The following OPCML variants were observed in gnomAD, a reference collection of about 807,000 sequenced individuals.
OPCML encodes the protein opioid-binding protein/cell adhesion molecule.
Under a neutral mutation model 37.8 loss-of-function variants are expected in OPCML, and 13 were observed. The ratio of observed to expected loss-of-function variants is 0.34; its 90% confidence interval spans 0.22 to 0.55. OPCML has a LOEUF of 0.55. OPCML is among the 20% of genes least tolerant of loss of function. The pLI, the probability that OPCML is intolerant of heterozygous loss-of-function variation, is 0.91. For missense variants in OPCML, 341 were observed against 435.6 expected (o/e 0.78, Z 1.93); for synonymous variants, 176 against 168.8 (o/e 1.04, Z -0.33).
intron 1 of OPCML, among the ~76,000 whole-genome samples, chr11:133,150,180 C>G (rs1949957766): frequency 6.6e-6 from 1 of 152,236 alleles, no homozygotes; most frequent in Admixed American, 6.5e-5. Flanking sequence ...GGAATCACAG[C>G]CTCCAGATAT....
Position 133,385,689 on chromosome 11 carries a change from T to C in OPCML, c.61+146575A>G, listed in dbSNP as rs80216852. ...TCGATGATTAGGCCCTGGTAATGAA[T>C]GTCTGCGGTGGTCCCCATGGTCCTG... On this transcript the variant is annotated intron_variant, in intron 1 of 7. Transcript: ENST00000524381. Among the ~76,000 whole-genome samples, 729 of 152,260 alleles carry C rather than the reference T, an allele frequency of 4.8e-3. 6 individuals are homozygous for C. Among genetic ancestry groups the C allele is most frequent in the African/African-American group, 0.016 (682 of 41,542 alleles).
chr11:132,950,599 GCTA>G (rs1434021674), intron 1 of OPCML, among the ~76,000 whole-genome samples: 1 of 152,188 alleles, frequency 6.6e-6, no homozygotes, highest in African/African-American at 2.4e-5. Context: ...TGAGGGTGAT[GCTA>G]CTGTCTCATT....
intron 1 of OPCML, chr11:133,361,779 G>A (rs1944428739): frequency 6.5e-6 from 1 of 153,520 alleles, no homozygotes; most frequent in Admixed American, 6.5e-5. Flanking sequence ...GTCGCTCACA[G>A]GTGCACTTTG....
At chr11:133,328,260 C>T (rs1180822848) in intron 1 of OPCML, among the ~76,000 whole-genome samples, 2 of 151,102 alleles carry the variant, frequency 1.3e-5, no homozygotes, top group East Asian at 1.9e-4. Flanking sequence ...CAAGGTCAAG[C>T]GATTCTCCTG....
At chr11:133,333,222 T>C (rs1943664063) in intron 1 of OPCML, among the ~76,000 whole-genome samples, 1 of 152,074 alleles carries the variant, frequency 6.6e-6, no homozygotes, top group African/African-American at 2.4e-5. Flanking sequence ...CCATGCCCAG[T>C]ACATTTTTGT....
Position 132,984,527 on chromosome 11 carries a change from G to A in OPCML, c.62-41517C>T, listed in dbSNP as rs184959634. Among the ~76,000 whole-genome samples the A allele has an allele frequency of 2.8e-3, 431 of 151,986 alleles. 8 individuals are homozygous for A. The highest frequency in any genetic ancestry group is 1.2e-3 in the South Asian group (6 of 4,808). On this transcript the variant is annotated intron_variant, in intron 1 of 7. Transcript: ENST00000524381. ...TTGTTAATCATTATTTTCCCTTTTCGTAAGTATAAAAGGAAAACAGGGCTT... is the reference window on the plus strand; with the variant it reads ...TTGTTAATCATTATTTTCCCTTTTCATAAGTATAAAAGGAAAACAGGGCTT...
chr11:132,527,935 A>G (rs1433614544), intron 4 of OPCML, among the ~76,000 whole-genome samples: 1 of 145,622 alleles, frequency 6.9e-6, no homozygotes. Context: ...AGGGTAATAT[A>G]TTTACAAGTC....
chr11:132,607,323 T>TG (rs1938364712), intron 3 of OPCML, among the ~76,000 whole-genome samples: 1 of 152,134 alleles, frequency 6.6e-6, no homozygotes. Context: ...TGAGGTTGGG[T>TG]GGGGTCTCTA....
At chr11:132,508,295 C>T (rs753191337) in intron 4 of OPCML, among the ~76,000 whole-genome samples, 1 of 152,128 alleles carries the variant, frequency 6.6e-6, no homozygotes, top group Non-Finnish European at 1.5e-5. Flanking sequence ...ATGAACAAAA[C>T]AGATGGAAAA....
At chr11:133,041,254 C>T (rs141234650) in intron 1 of OPCML, among the ~76,000 whole-genome samples, 142 of 152,302 alleles carry the variant, frequency 9.3e-4, no homozygotes, top group African/African-American at 2.9e-3. Flanking sequence ...AATTAGATAA[C>T]GCTTGTAAAG....
intron 2 of OPCML, among the ~76,000 whole-genome samples, chr11:132,940,963 C>T (rs1435998662): frequency 6.6e-6 from 1 of 151,866 alleles, no homozygotes. Context: ...TTTCCCTATT[C>T]TGGGGTAAAT....
At chr11:132,910,398 G>A (rs1944390063) in intron 2 of OPCML, among the ~76,000 whole-genome samples, 1 of 152,228 alleles carries the variant, frequency 6.6e-6, no homozygotes, top group Non-Finnish European at 1.5e-5. Context: ...TTACACGGCC[G>A]AGAGTCTCAG....
chr11:132,804,025 C>T (rs1938846040), intron 2 of OPCML, among the ~76,000 whole-genome samples: 1 of 152,160 alleles, frequency 6.6e-6, no homozygotes, highest in Non-Finnish European at 1.5e-5. Context: ...AATGGAGTAA[C>T]TGTATTGGAA....
intron 1 of OPCML, among the ~76,000 whole-genome samples, chr11:133,092,094 G>T (rs902213793): frequency 6.6e-6 from 1 of 152,128 alleles, no homozygotes; most frequent in Admixed American, 6.5e-5. Context: ...GCTTGAGGGG[G>T]TGAATTTACT....
chr11:132,552,090 T>C (rs866555183), intron 3 of OPCML, among the ~76,000 whole-genome samples: 2 of 152,348 alleles, frequency 1.3e-5, no homozygotes, highest in Middle Eastern at 3.4e-3. Flanking sequence ...CTAGAAGAGC[T>C]GTAAAAACAG....
intron 2 of OPCML, among the ~76,000 whole-genome samples, chr11:132,705,827 C>A (rs186741342): frequency 1.6e-4 from 25 of 152,046 alleles, no homozygotes; most frequent in Admixed American, 1.3e-3. Context: ...TTTTCTTTTT[C>A]GAGACAGTCT....
chr11:132,781,450 G>A (rs1312618007), intron 2 of OPCML, among the ~76,000 whole-genome samples: 1 of 152,074 alleles, frequency 6.6e-6, no homozygotes, highest in East Asian at 1.9e-4. Flanking sequence ...CCAGGCTTCA[G>A]ACTGGAATCT....
intron 3 of OPCML, among the ~76,000 whole-genome samples, chr11:132,645,320 C>A (rs1242233782): frequency 6.6e-6 from 1 of 152,180 alleles, no homozygotes; most frequent in Non-Finnish European, 1.5e-5. Flanking sequence ...GATGTGGCTA[C>A]CAATATCTCC....
chr11:132,985,301 C>T (rs549294994), intron 1 of OPCML, among the ~76,000 whole-genome samples: 1 of 152,320 alleles, frequency 6.6e-6, no homozygotes, highest in East Asian at 1.9e-4. Context: ...TAGTTCTCAT[C>T]AGAGGCTCAG....
Sources: gnomAD v4.1 joint callset for allele counts (sites outside exome capture counted in the v4.1 genomes callset) on GRCh38, gnomAD v4.1.1 for gene constraint, MANE v1.5 for transcripts, NCBI Gene and HGNC (gene_info 2026-07-23, HGNC 2026-07-21) for gene names.